CDKAL1: variants seen among roughly 807,000 people sequenced by gnomAD.
CDKAL1 encodes the protein threonylcarbamoyladenosine tRNA methylthiotransferase.
CDKAL1 carries 32 observed loss-of-function variants against 68.2 expected under a neutral mutation model. The ratio of observed to expected loss-of-function variants is 0.47; its 90% CI spans 0.35 to 0.63. The LOEUF (loss-of-function observed/expected upper bound fraction) is 0.63. CDKAL1 is among the 30% of genes least tolerant of loss of function. The probability of loss-of-function intolerance (pLI) is 0.00; values close to 1 mark genes in which losing one functional copy is unlikely to be tolerated. For synonymous variants in CDKAL1, 234 were observed against 244.3 expected, an observed-to-expected ratio of 0.96 and a Z score of 0.39; for missense variants, 606 against 696.7, an observed-to-expected ratio of 0.87 and a Z score of 1.47.
chr6:21,180,725 G>A (rs1777756007), intron 13 of CDKAL1, among the ~76,000 whole-genome samples: 1 of 151,954 alleles, frequency 6.6e-6, no homozygotes, highest in Non-Finnish European at 1.5e-5. Context: ...AAAAGAAACA[G>A]CAATTACATC....
intron 5 of CDKAL1, among the ~76,000 whole-genome samples, chr6:20,736,552 C>T (rs1450680853): frequency 1.3e-5 from 2 of 152,052 alleles, no homozygotes; most frequent in African/African-American, 4.8e-5. Flanking sequence ...AGGCAGATCA[C>T]GAGGTCAGGA....
chr6:20,992,032 T>C (rs1766845603), intron 10 of CDKAL1, among the ~76,000 whole-genome samples: 2 of 13,230 alleles, frequency 1.5e-4, no homozygotes, highest in Non-Finnish European at 8.3e-4. Context: ...TTTTCTTTTC[T>C]TTTTTTTTTT....
intron 10 of CDKAL1, among the ~76,000 whole-genome samples, chr6:20,965,519 CTTTTAA>C (rs1765266548): frequency 6.6e-6 from 1 of 152,130 alleles, no homozygotes; most frequent in Non-Finnish European, 1.5e-5. Flanking sequence ...GAAAAATACT[CTTTTAA>C]AGTAAATATA....
chr6:21,088,977 C>T (rs1349617709), intron 12 of CDKAL1, among the ~76,000 whole-genome samples: 2 of 152,024 alleles, frequency 1.3e-5, no homozygotes, highest in East Asian at 3.9e-4. Flanking sequence ...ATGATATAGA[C>T]AATGTTAAAT....
At chr6:20,682,951 C>CTTTTTTTTTTTTTT (rs11364854) in intron 5 of CDKAL1, among the ~76,000 whole-genome samples, 1 of 126,538 alleles carries the variant, frequency 7.9e-6, no homozygotes, top group African/African-American at 2.9e-5. Context: ...CTTTTTCTTT[C>CTTTTTTTTTTTTTT]TTTTTTTTTT....
intron 5 of CDKAL1, among the ~76,000 whole-genome samples, chr6:20,675,164 G>T (rs1376538688): frequency 1.3e-5 from 2 of 151,298 alleles, no homozygotes; most frequent in African/African-American, 4.9e-5. Flanking sequence ...ATATTTTTTT[G>T]AACTGTCTTT....
chr6:21,083,717 T>G (rs547835251), intron 12 of CDKAL1, among the ~76,000 whole-genome samples: 1 of 152,198 alleles, frequency 6.6e-6, no homozygotes, highest in African/African-American at 2.4e-5. Flanking sequence ...GGATCATGGC[T>G]TGCATTTAGT....
At chr6:20,632,820 A>C (rs1767732949) in intron 4 of CDKAL1, among the ~76,000 whole-genome samples, 1 of 152,218 alleles carries the variant, frequency 6.6e-6, no homozygotes, top group Admixed American at 6.5e-5. Context: ...AATCGTTGCC[A>C]GGATGTACCA....
intron 5 of CDKAL1, among the ~76,000 whole-genome samples, chr6:20,662,827 C>G (rs2067299018): frequency 1.3e-5 from 2 of 152,068 alleles, no homozygotes; most frequent in African/African-American, 4.8e-5. Flanking sequence ...GTGTCTCTTT[C>G]TTATTAGATT....
intron 12 of CDKAL1, among the ~76,000 whole-genome samples, chr6:21,099,997 A>G (rs112732904): frequency 6.6e-6 from 1 of 152,206 alleles, no homozygotes; most frequent in East Asian, 1.9e-4. Flanking sequence ...AGGTATGGCA[A>G]CCTACATTTT....
At chr6:20,817,297 A>G (rs1312284336) in intron 8 of CDKAL1, among the ~76,000 whole-genome samples, 2 of 152,134 alleles carry the variant, frequency 1.3e-5, no homozygotes, top group Non-Finnish European at 2.9e-5. Flanking sequence ...CAGCCCATTT[A>G]AAAAAATTGA....
At chr6:21,009,711 A>G (rs1317101977) in intron 11 of CDKAL1, among the ~76,000 whole-genome samples, 2 of 152,220 alleles carry the variant, frequency 1.3e-5, no homozygotes, top group Non-Finnish European at 2.9e-5. Flanking sequence ...GATGGAACCA[A>G]AGGTCATTAT....
At chr6:20,920,771 A>G (rs1395950744) in intron 9 of CDKAL1, among the ~76,000 whole-genome samples, 1 of 152,250 alleles carries the variant, frequency 6.6e-6, no homozygotes, top group Non-Finnish European at 1.5e-5. Flanking sequence ...CTAAGAAATC[A>G]TTATTCAAAT....
chr6:20,952,084 G>A (rs1764559511), intron 9 of CDKAL1, among the ~76,000 whole-genome samples: 1 of 150,024 alleles, frequency 6.7e-6, no homozygotes, highest in African/African-American at 2.5e-5. Flanking sequence ...TCAGCCTCCC[G>A]AGTAGCTGGG....
rs1480331069 is a variant in CDKAL1 at position 20,546,242 on chromosome 6, C to T, written c.-5-104C>T. On this transcript the variant is annotated intron_variant, in intron 2 of 15. Coordinates refer to ENST00000274695, the MANE Select transcript of CDKAL1 (RefSeq NM_017774.3). ...ATTTTCTATAAATTTGAAGTTAGAT[C>T]CAAAGGCTTGATTAGATTCAAATTT... 1.1e-5 allele frequency: 9 copies of T among 830,594 alleles called. No individual in the cohort carries two copies. The Admixed American group carries it at 2.0e-4, about 19-fold the overall frequency. 51.5% of individuals were successfully genotyped at this position (830,594 alleles called of 1,614,324 possible).
chr6:20,842,979 C>T (rs752054597), intron 8 of CDKAL1, among the ~76,000 whole-genome samples: 84 of 152,196 alleles, frequency 5.5e-4, no homozygotes, highest in South Asian at 1.5e-3. Context: ...CAGAATATCA[C>T]TTTGTTTATT....
intron 11 of CDKAL1, among the ~76,000 whole-genome samples, chr6:21,021,675 T>C (rs1025858074): frequency 3.3e-5 from 5 of 152,198 alleles, no homozygotes; most frequent in Admixed American, 3.3e-4. Flanking sequence ...AACGATGCCA[T>C]CCTTTGGGGT....
intron 4 of CDKAL1, chr6:20,599,500 C>A: frequency 2.9e-6 from 1 of 339,078 alleles, no homozygotes; most frequent in South Asian, 2.4e-5. Context: ...ACACTGGGTG[C>A]TTTATGCAAA....
intron 15 of CDKAL1, among the ~76,000 whole-genome samples, chr6:21,206,658 G>T (rs200202004): frequency 6.6e-6 from 1 of 152,072 alleles, no homozygotes; most frequent in Admixed American, 6.5e-5. Flanking sequence ...GAGTAGCATC[G>T]TGGAAGATTG....
Sources: gnomAD v4.1 joint callset for allele counts (sites outside exome capture counted in the v4.1 genomes callset) on GRCh38, gnomAD v4.1.1 for gene constraint, MANE v1.5 for transcripts, NCBI Gene and HGNC (gene_info 2026-07-23, HGNC 2026-07-21) for gene names.